The following AHRR variants were observed in gnomAD, a reference collection of about 807,000 sequenced individuals.
The protein encoded by AHRR is ahR repressor.
Under a neutral mutation model 44.0 loss-of-function variants are expected in AHRR, and 28 were observed. The observed-to-expected ratio is 0.64, with a 90% CI of 0.47 to 0.87. The LOEUF is 0.87. Among genes scored for constraint, AHRR ranks in the 40% least tolerant of loss-of-function variants. AHRR has a pLI of 0.00. For missense variants in AHRR, 990 were observed against 953.9 expected, an observed-to-expected ratio of 1.04 and a Z score of -0.50; for synonymous variants, 434 against 407.0, an observed-to-expected ratio of 1.07 and a Z score of -0.80.
At chr5:420,440 A>G (rs1736022966) in intron 5 of AHRR, among the ~76,000 whole-genome samples, 2 of 152,176 alleles carry the variant, frequency 1.3e-5, no homozygotes, top group South Asian at 2.1e-4. Context: ...CTCACCAAAC[A>G]CTAGCTGGGG....
rs930838794 is a variant in AHRR at position 419,887 on chromosome 5, G to A, written c.442-2842G>A. On this transcript the variant is annotated intron_variant, in intron 5 of 10. Transcript: ENST00000684583. The surrounding 1 kb of genome is among the most constrained non-coding windows in gnomAD (Gnocchi z 4.4). ...GGTTTTGTGTTATGTGTGCCAGGGTGTAAAGTGGATTTTAAGATGTGGAAT... is the reference window on the plus strand; with the variant it reads ...GGTTTTGTGTTATGTGTGCCAGGGTATAAAGTGGATTTTAAGATGTGGAAT... 6.8e-4 allele frequency among the ~76,000 whole-genome samples: 103 copies of A among 152,336 alleles called. No homozygotes were observed. Among genetic ancestry groups the A allele is most frequent in the African/African-American group, 2.5e-3 (103 of 41,574 alleles).
chr5:328,326 G>A (rs1741793115), intron 1 of AHRR, among the ~76,000 whole-genome samples: 1 of 134,600 alleles, frequency 7.4e-6, no homozygotes, highest in South Asian at 2.4e-4. Context: ...GGAGTGCAGT[G>A]GTGCAATCTC....
intron 4 of AHRR, among the ~76,000 whole-genome samples, chr5:385,614 T>C (rs1227203335): frequency 6.6e-6 from 1 of 152,250 alleles, no homozygotes; most frequent in Non-Finnish European, 1.5e-5. Flanking sequence ...TTCAAATTAT[T>C]GTTCCCTGTG....
rs766728917 is a variant in AHRR at position 434,208 on chromosome 5, C to T, written c.1468C>T (p.His490Tyr). 1.9e-6 allele frequency: 3 copies of T among 1,589,874 alleles called. No homozygotes were observed. Among genetic ancestry groups the T allele is most frequent in the South Asian group, 1.2e-5 (1 of 86,316 alleles). The part of the protein sequence containing the change: ...LCHFPQRSLQ[H>Y]QLPQPGAQRF... ...CCACTTTCCCCAGAGGAGCCTGCAG[C>T]ACCAGCTCCCTCAGCCTGGAGCTCA... is the stretch of plus-strand genomic sequence containing the variant. Residue 490 changes from histidine to tyrosine, a missense_variant, in exon 11 of 11, where the codon CAC becomes TAC. Coordinates refer to ENST00000684583, the MANE Select transcript of AHRR (RefSeq NM_001377236.1).
chr5:382,495 G>A (rs1173746628), intron 4 of AHRR, among the ~76,000 whole-genome samples: 1 of 152,116 alleles, frequency 6.6e-6, no homozygotes, highest in Non-Finnish European at 1.5e-5. Flanking sequence ...CCATGGTGAT[G>A]TCTCCTCTTT....
intron 1 of AHRR, among the ~76,000 whole-genome samples, chr5:330,759 T>C (rs1265019360): frequency 6.6e-6 from 1 of 152,134 alleles, no homozygotes; most frequent in African/African-American, 2.4e-5. Flanking sequence ...ATCTGCGTGA[T>C]ATGGGCCTTC....
At position 434,600 on chromosome 5, in the gene AHRR, G is replaced by A. The variant is rs1428675526; in HGVS notation, c.1860G>A (p.Glu620=). The A allele has an allele frequency of 2.6e-6, 4 of 1,568,012 alleles. No individual in the cohort carries two copies. In the South Asian group the frequency reaches 4.7e-5, roughly 18 times the overall value. The change falls in exon 11 of 11, where the codon GAG becomes GAA. Residue 620 remains glutamate, a synonymous_variant. Coordinates refer to ENST00000684583, the MANE Select transcript of AHRR (RefSeq NM_001377236.1). ...ACCCTGCACACTGTGCCTGCCTGGA[G>A]CCCACAGACGGCCTTCCCCAGTCGG... ...PFHPAHCACL[E]PTDGLPQSEP...
intron 1 of AHRR, among the ~76,000 whole-genome samples, chr5:329,975 C>T (rs535429477): frequency 1.3e-5 from 2 of 152,126 alleles, no homozygotes; most frequent in African/African-American, 2.4e-5. Flanking sequence ...CCTGCCTGAT[C>T]GCTCTGGATA....
chr5:341,089 A>T (rs1231165992), intron 1 of AHRR, among the ~76,000 whole-genome samples: 1 of 151,096 alleles, frequency 6.6e-6, no homozygotes, highest in Non-Finnish European at 1.5e-5. Context: ...ATCTTGGCTC[A>T]CTGCAAACTC....
Position 338,990 on chromosome 5 carries a change from T to A in AHRR, c.-10-4903T>A, listed in dbSNP as rs1441254626. Reference sequence around the variant, plus strand: ...TTTTAAAAATCTGAATTCCAGTTGTTCATTGCTAGTATCTAGAAACACAAT... The same window carrying A: ...TTTTAAAAATCTGAATTCCAGTTGTACATTGCTAGTATCTAGAAACACAAT... On this transcript the variant is annotated intron_variant, in intron 1 of 10. Transcript: ENST00000684583. The surrounding 1 kb of genome is among the most constrained non-coding windows in gnomAD (Gnocchi z 4.1). Among the ~76,000 whole-genome samples the A allele has an allele frequency of 6.6e-6, 1 of 152,248 alleles. No individual in the cohort carries two copies. The highest frequency in any genetic ancestry group is 6.5e-5 in the Admixed American group (1 of 15,288).
At chr5:350,211 G>A (rs1742812231) in intron 2 of AHRR, among the ~76,000 whole-genome samples, 2 of 152,170 alleles carry the variant, frequency 1.3e-5, no homozygotes, top group Admixed American at 1.3e-4. Flanking sequence ...GGGGAGAATT[G>A]CCATCAACAA....
rs1735267312 is a variant in AHRR, at chr5:406,541, C to T, written c.352-6803C>T. Among the ~76,000 whole-genome samples, 1 of 152,122 alleles carries T rather than the reference C, an allele frequency of 6.6e-6. No individual in the cohort carries two copies. The highest frequency in any genetic ancestry group is 2.1e-4 in the South Asian group (1 of 4,822). On this transcript the variant is annotated intron_variant, in intron 4 of 10. Coordinates refer to ENST00000684583, the MANE Select transcript of AHRR (RefSeq NM_001377236.1). This position sits in a 1 kb window ranked among gnomAD's most constrained non-coding sequence, Gnocchi z 4.7. ...TTCTTAGAAGGAAATTTCAGGAAAA[C>T]GTTAAGAAACAGAAAATACTCAAGC...
chr5:333,059 C>T (rs1457226604), intron 1 of AHRR, among the ~76,000 whole-genome samples: 2 of 150,352 alleles, frequency 1.3e-5, no homozygotes, highest in Non-Finnish European at 2.9e-5. Flanking sequence ...CCCGCCTTTA[C>T]TTTCAATCTG....
chr5:417,619 T>C (rs921380866), intron 5 of AHRR, among the ~76,000 whole-genome samples: 13 of 152,206 alleles, frequency 8.5e-5, no homozygotes, highest in African/African-American at 1.2e-4. Flanking sequence ...GGGTTTGGCT[T>C]TGGGGACTGG....
intron 4 of AHRR, among the ~76,000 whole-genome samples, chr5:389,116 C>A (rs957735036): frequency 6.6e-6 from 1 of 151,782 alleles, no homozygotes; most frequent in African/African-American, 2.4e-5. Context: ...GACCAGCCGC[C>A]CCATGAGCCA....
At position 437,846 on chromosome 5, in the gene AHRR, C is replaced by T. The variant is rs1025065148; in HGVS notation, c.*3012C>T. Reference sequence around the variant, plus strand: ...TTCCTCAACGGCAACAAAAACTCCCCAAGTCAGCACTTTGGTTATTTTATA... The same window carrying T: ...TTCCTCAACGGCAACAAAAACTCCCTAAGTCAGCACTTTGGTTATTTTATA... On this transcript the variant is annotated 3_prime_UTR_variant, in exon 11 of 11. Transcript: ENST00000684583. 6.6e-6 allele frequency: 1 copy of T among 152,368 alleles called. No homozygotes were observed. Among genetic ancestry groups the T allele is most frequent in the African/African-American group, 2.4e-5 (1 of 41,450 alleles). 9.4% of individuals were successfully genotyped at this position (152,368 alleles called of 1,614,324 possible). A position where few individuals can be genotyped will look rare whatever the true frequency, so the allele number is the denominator to read the frequency against.
chr5:343,916 G>A lies in AHRR; in HGVS notation c.14G>A (p.Gly5Glu). Reference sequence around the variant, plus strand: ...AGGCCGAGGACGATGATCCCGCCGGGGGAGTGCACGTACGCGGGCCGGAAG... The same window carrying A: ...AGGCCGAGGACGATGATCCCGCCGGAGGAGTGCACGTACGCGGGCCGGAAG... MIPP[G>E]ECTYAGRKRR... The change falls in exon 2 of 11, where the codon GGG becomes GAG. Residue 5 changes from glycine (G) to glutamate (E), a missense_variant. Coordinates refer to ENST00000684583, the MANE Select transcript of AHRR (RefSeq NM_001377236.1). 1 of 1,601,658 alleles carries A rather than the reference G, an allele frequency of 6.2e-7. No individual in the cohort carries two copies. Among genetic ancestry groups the A allele is most frequent in the Admixed American group, 1.7e-5 (1 of 59,540 alleles).
intron 4 of AHRR, among the ~76,000 whole-genome samples, chr5:401,166 G>A (rs1348900730): frequency 6.6e-6 from 1 of 152,196 alleles, no homozygotes; most frequent in African/African-American, 2.4e-5. Flanking sequence ...AACCCCTTGG[G>A]GTGCACCCCA....
In AHRR at chr5:395,638, A is replaced by T. The variant is rs1734670682; in HGVS notation, c.352-17706A>T. On this transcript the variant is annotated intron_variant, in intron 4 of 10. Transcript: ENST00000684583. The surrounding 1 kb of genome is among the most constrained non-coding windows in gnomAD (Gnocchi z 5.3). Reference sequence around the variant, plus strand: ...GCCCCAAGCCGCTCGGCAGACGGTCATCGGGCCGCGCTGCTGCTCTGGTGT... The same window carrying T: ...GCCCCAAGCCGCTCGGCAGACGGTCTTCGGGCCGCGCTGCTGCTCTGGTGT... Among the ~76,000 whole-genome samples the T allele has an allele frequency of 6.6e-6, 1 of 152,248 alleles. No homozygotes were observed. Among genetic ancestry groups the T allele is most frequent in the African/African-American group, 2.4e-5 (1 of 41,476 alleles).
Sources: gnomAD v4.1 joint callset for allele counts (sites outside exome capture counted in the v4.1 genomes callset) on GRCh38, gnomAD v4.1.1 for gene constraint, Gnocchi (gnomAD v3.1) non-coding constraint, MANE v1.5 for transcripts, NCBI Gene and HGNC (gene_info 2026-07-23, HGNC 2026-07-21) for gene names.